Variants in DNAH8 observed in about 807,000 individuals in gnomAD.
The protein encoded by DNAH8 is axonemal beta dynein heavy chain 8.
DNAH8 carries 382 observed loss-of-function variants against 562.1 expected under a neutral mutation model. The ratio of observed to expected loss-of-function variants is 0.68; its 90% CI spans 0.63 to 0.74. The LOEUF (loss-of-function observed/expected upper bound fraction) is 0.74. Among genes scored for constraint, DNAH8 ranks in the 30% least tolerant of loss-of-function variants. The pLI is 0.00. For synonymous variants in DNAH8, 1,881 were observed against 1,919.4 expected (o/e 0.98, Z 0.52); for missense variants, 5,203 against 5,620.4 (o/e 0.93, Z 2.37).
rs769646718 is a variant in DNAH8, at chr6:38,984,175, A to G, written c.12952-31A>G. ...TTTATAATGATGTGTTTGGGTTGACAATTAATAATCCTTTTTTACTTTTAA... is the reference window on the plus strand; with the variant it reads ...TTTATAATGATGTGTTTGGGTTGACGATTAATAATCCTTTTTTACTTTTAA... On this transcript the variant is annotated intron_variant, in intron 86 of 92. Transcript: ENST00000327475. 3.0e-6 allele frequency: 4 copies of G among 1,326,660 alleles called. No homozygotes were observed. In the East Asian group the frequency reaches 9.3e-5, roughly 31 times the overall value. The allele number at this position is 1,326,660 out of a possible 1,614,324, so 82.2% of individuals were successfully genotyped here. A position where few individuals can be genotyped will look rare whatever the true frequency, so the allele number is the denominator to read the frequency against.
At position 38,729,988 on chromosome 6, in the gene DNAH8, T is replaced by A; in HGVS notation, c.610+2T>A. The A allele has an allele frequency of 2.6e-6, 4 of 1,534,826 alleles. No homozygotes were observed. The highest frequency in any genetic ancestry group is 3.6e-6 in the Non-Finnish European group (4 of 1,113,878). On this transcript the variant is annotated splice_donor_variant, in intron 4 of 92. Coordinates refer to ENST00000327475, the MANE Select transcript of DNAH8 (RefSeq NM_001206927.2). LOFTEE classifies it high-confidence loss of function. The stretch of plus-strand genomic sequence containing the variant: ...AAGAAGGAGATGTACCTGGTATTGG[T>A]AAGAATTTTCTGAGGGCAGTGTGCC...
chr6:38,906,281 T>C lies in DNAH8; in HGVS notation c.9222T>C (p.Asp3074=), dbSNP rs771979961. Residue 3074 remains aspartate, a synonymous_variant, in exon 63 of 93, where the codon GAT becomes GAC. Coordinates refer to ENST00000327475, the MANE Select transcript of DNAH8 (RefSeq NM_001206927.2). ...CTTACAATGTGACTAATCTAACAGA[T>C]GATTTAAAAGCTTTGTACAAAGTTG... ...TRSYNVTNLT[D]DLKALYKVAG... 6 of 1,599,942 alleles carry C rather than the reference T, an allele frequency of 3.8e-6. No individual in the cohort carries two copies. In the African/African-American group the frequency reaches 5.4e-5, roughly 14 times the overall value.
At chr6:39,024,870 C>T (rs1326210932) in intron 91 of DNAH8, among the ~76,000 whole-genome samples, 4 of 152,206 alleles carry the variant, frequency 2.6e-5, no homozygotes, top group Non-Finnish European at 2.9e-5. Context: ...TAAGAATCTT[C>T]TATAAAAGTC....
At chr6:39,028,875 A>G (rs1767476975) in intron 92 of DNAH8, among the ~76,000 whole-genome samples, 1 of 152,204 alleles carries the variant, frequency 6.6e-6, no homozygotes, top group African/African-American at 2.4e-5. Context: ...TTTGGTTCAA[A>G]AAACACAGTC....
At chr6:38,999,920 C>CACACAA (rs1433933322) in intron 88 of DNAH8, among the ~76,000 whole-genome samples, 3 of 57,514 alleles carry the variant, frequency 5.2e-5, no homozygotes, top group Non-Finnish European at 9.2e-5. Context: ...GGCATTTATA[C>CACACAA]ACACACACAC....
intron 88 of DNAH8, among the ~76,000 whole-genome samples, chr6:39,005,995 A>G (rs2150760084): frequency 1.3e-5 from 2 of 152,378 alleles, no homozygotes; most frequent in East Asian, 3.9e-4. Flanking sequence ...CAAGAAGTGC[A>G]GGTGGCCTCT....
chr6:38,970,485 C>T (rs1414291431), intron 82 of DNAH8, among the ~76,000 whole-genome samples: 3 of 152,194 alleles, frequency 2.0e-5, no homozygotes, highest in African/African-American at 7.2e-5. Context: ...GCTCTTCCAT[C>T]CTCCTTCAGG....
At chr6:38,777,425 GTTTTAA>G (rs2127633355) in intron 13 of DNAH8, among the ~76,000 whole-genome samples, 1 of 152,192 alleles carries the variant, frequency 6.6e-6, no homozygotes, top group Non-Finnish European at 1.5e-5. Context: ...AGGCATCAGT[GTTTTAA>G]TTTTAATTTT....
chr6:38,744,584 T>C (rs541262303), intron 8 of DNAH8, among the ~76,000 whole-genome samples: 2 of 149,146 alleles, frequency 1.3e-5, no homozygotes, highest in East Asian at 3.9e-4. Flanking sequence ...TACTGATTTA[T>C]AGGAGTTCTT....
rs373289918 is a variant in DNAH8, at chr6:38,866,629, C to A, written c.6537C>A (p.Asn2179Lys). The A allele has an allele frequency of 3.0e-5, 49 of 1,612,196 alleles. No individual in the cohort carries two copies. The highest frequency in any genetic ancestry group is 3.7e-5 in the Non-Finnish European group (44 of 1,179,486). Residue 2179 changes from asparagine to lysine, a missense_variant, in exon 46 of 93, where the codon AAC becomes AAA. Coordinates refer to ENST00000327475, the MANE Select transcript of DNAH8 (RefSeq NM_001206927.2). ...GYAGRQELPE[N>K]LKIQFRTVAM... is the part of the protein sequence containing the mutation. ...CTGGGCGCCAGGAACTACCAGAAAACCTAAAAATCCAGTTTAGAACTGTTG... is the reference window on the plus strand; with the variant it reads ...CTGGGCGCCAGGAACTACCAGAAAAACTAAAAATCCAGTTTAGAACTGTTG...
chr6:38,794,507 G>A (rs143775605), intron 21 of DNAH8, among the ~76,000 whole-genome samples: 19 of 152,256 alleles, frequency 1.2e-4, no homozygotes, highest in African/African-American at 3.6e-4. Context: ...ATCAAGATAT[G>A]GAACACTTTC....
intron 82 of DNAH8, among the ~76,000 whole-genome samples, chr6:38,965,486 A>G (rs151220553): frequency 7.9e-4 from 120 of 152,316 alleles, no homozygotes; most frequent in African/African-American, 2.8e-3. Flanking sequence ...TATTTTTCAA[A>G]CCTTTTAATG....
chr6:38,989,635 G>A (rs1325176508), intron 87 of DNAH8, among the ~76,000 whole-genome samples: 1 of 152,194 alleles, frequency 6.6e-6, no homozygotes, highest in African/African-American at 2.4e-5. Flanking sequence ...GAAGTGGGGT[G>A]ATGAAAATGC....
At chr6:38,825,007 A>C (rs1291537156) in intron 28 of DNAH8, among the ~76,000 whole-genome samples, 1 of 152,206 alleles carries the variant, frequency 6.6e-6, no homozygotes, top group Non-Finnish European at 1.5e-5. Context: ...CATAATGGTT[A>C]GCACTATGAT....
At chr6:38,729,686 G>C (rs1399165755) in intron 3 of DNAH8, among the ~76,000 whole-genome samples, 1 of 152,102 alleles carries the variant, frequency 6.6e-6, no homozygotes, top group Non-Finnish European at 1.5e-5. Context: ...GTAAGTGGCT[G>C]CCCAAAACTA....
chr6:38,899,398 T>TA (rs1247384450), intron 61 of DNAH8, among the ~76,000 whole-genome samples: 1 of 152,198 alleles, frequency 6.6e-6, no homozygotes, highest in Non-Finnish European at 1.5e-5. Context: ...TGATGAATAA[T>TA]AAAAAAACAA....
chr6:38,968,756 A>G (rs1763142516), intron 82 of DNAH8, among the ~76,000 whole-genome samples: 1 of 152,226 alleles, frequency 6.6e-6, no homozygotes, highest in Non-Finnish European at 1.5e-5. Context: ...TAGGGTTACC[A>G]CATGACTCAG....
chr6:38,933,320 T>C (rs1259840306), intron 76 of DNAH8, among the ~76,000 whole-genome samples: 1 of 152,190 alleles, frequency 6.6e-6, no homozygotes. Flanking sequence ...CATAGCAACC[T>C]TGCTGGAGAA....
chr6:38,987,268 A>G (rs1025261154), intron 87 of DNAH8, among the ~76,000 whole-genome samples: 3 of 152,190 alleles, frequency 2.0e-5, no homozygotes, highest in Non-Finnish European at 4.4e-5. Context: ...GAGCTCAAGC[A>G]GGGGGATTCC....
Sources: allele counts gnomAD v4.1 joint callset (sites outside exome capture counted in the v4.1 genomes callset), GRCh38; gene constraint gnomAD v4.1.1; transcripts MANE v1.5; gene names NCBI Gene and HGNC (gene_info 2026-07-23, HGNC 2026-07-21).